The following ROBO2 variants were observed in gnomAD, a reference collection of about 807,000 sequenced individuals.
ROBO2 encodes roundabout guidance receptor 2.
Under a neutral mutation model 160.8 loss-of-function variants are expected in ROBO2, and 53 were observed. The ratio of observed to expected loss-of-function variants is 0.33; its 90% confidence interval spans 0.26 to 0.41. The LOEUF (loss-of-function observed/expected upper bound fraction) is 0.41, where lower values mean the gene tolerates loss of function less well. Among genes scored for constraint, ROBO2 ranks in the 10% least tolerant of loss-of-function variants. The pLI is 1.00. For synonymous variants in ROBO2, 664 were observed against 611.7 expected (o/e 1.09, Z -1.26); for missense variants, 1,577 against 1,722.4 (o/e 0.92, Z 1.49).
intron 16 of ROBO2, among the ~76,000 whole-genome samples, chr3:77,581,548 A>T (rs552104177): frequency 6.6e-6 from 1 of 152,138 alleles, no homozygotes; most frequent in East Asian, 1.9e-4. Flanking sequence ...GTATTATTTA[A>T]TTTCCAAATG....
chr3:76,127,796 T>A lies in ROBO2; in HGVS notation c.109+190194T>A, dbSNP rs1576970052. 2.0e-5 allele frequency among the ~76,000 whole-genome samples: 3 copies of A among 152,002 alleles called. No homozygotes were observed. The East Asian group carries it at 5.8e-4, about 29-fold the overall frequency. On this transcript the variant is annotated intron_variant, in intron 2 of 26. Coordinates refer to the ROBO2 transcript ENST00000487694. Reference sequence around the variant, plus strand: ...CTTTATTACATCAATAAGAAACCTGTTTTACAAAATATCTATGAAGCAAAA... The same window carrying A: ...CTTTATTACATCAATAAGAAACCTGATTTACAAAATATCTATGAAGCAAAA...
chr3:76,055,703 G>A (rs994906145), intron 2 of ROBO2, among the ~76,000 whole-genome samples: 5 of 152,166 alleles, frequency 3.3e-5, no homozygotes, highest in African/African-American at 1.2e-4. Flanking sequence ...GGTATTCCAA[G>A]GTGTATGTAT....
In ROBO2 at chr3:77,410,513, TTCC is replaced by T. The variant is rs1253780728; in HGVS notation, c.389-66889_389-66887del. ...TTTCCTCCTCCTCCTCTTCCTCCTCTTCCTCCTCCTCCTCTTCCTCCTCCTCTT... is the reference window on the plus strand; with the variant it reads ...TTTCCTCCTCCTCCTCTTCCTCCTCTTCCTCCTCCTCTTCCTCCTCCTCTT... On this transcript the variant is annotated intron_variant, in intron 2 of 25. Transcript: ENST00000461745. 1.2e-3 allele frequency among the ~76,000 whole-genome samples: 114 copies of T among 97,752 alleles called. 1 individual carries two copies. The highest frequency in any genetic ancestry group is 2.1e-3 in the Admixed American group (22 of 10,688). 64.1% of individuals were successfully genotyped at this position (97,752 alleles called of 152,430 possible).
intron 2 of ROBO2, among the ~76,000 whole-genome samples, chr3:77,296,881 C>T (rs894585978): frequency 3.3e-5 from 5 of 152,080 alleles, no homozygotes; most frequent in African/African-American, 1.2e-4. Flanking sequence ...AGCAAGAAGC[C>T]ATTCAAGTCT....
At chr3:77,051,035 T>A (rs1350945935) in intron 1 of ROBO2, among the ~76,000 whole-genome samples, 3 of 133,216 alleles carry the variant, frequency 2.3e-5, no homozygotes, top group Non-Finnish European at 5.1e-5. Context: ...AAAAAAAAAA[T>A]TCATCAAATG....
At chr3:77,053,453 G>A (rs1291276189) in intron 1 of ROBO2, among the ~76,000 whole-genome samples, 1 of 152,128 alleles carries the variant, frequency 6.6e-6, no homozygotes, top group Non-Finnish European at 1.5e-5. Context: ...GACTCTGTGT[G>A]ATGCTTCCTG....
At chr3:76,552,764 G>C (rs1445176319) in intron 2 of ROBO2, among the ~76,000 whole-genome samples, 3 of 152,214 alleles carry the variant, frequency 2.0e-5, no homozygotes, top group Admixed American at 1.3e-4. Context: ...GGATGAGACA[G>C]AGCATGGACC....
Position 77,574,322 on chromosome 3 carries a change from A to C in ROBO2, c.1972-177A>C, listed in dbSNP as rs529888476. Among the ~76,000 whole-genome samples, 9 of 152,184 alleles carry C rather than the reference A, an allele frequency of 5.9e-5. No individual in the cohort carries two copies. The South Asian group carries it at 1.9e-3, about 32-fold the overall frequency. ...CATTTTGGAAACAATCTTAGGAGCA[A>C]TCTGAACTCTAAAAGGATAGAAGTT... On this transcript the variant is annotated intron_variant, in intron 13 of 25. Coordinates refer to ENST00000461745, the Ensembl canonical transcript of ROBO2.
intron 2 of ROBO2, among the ~76,000 whole-genome samples, chr3:77,221,849 T>TTTTCC: frequency 1.4e-5 from 2 of 145,554 alleles, no homozygotes; most frequent in African/African-American, 5.1e-5. Flanking sequence ...TTTCTTTTTC[T>TTTTCC]TTTTCTTTTT....
chr3:76,235,096 T>G (rs1414510568), intron 2 of ROBO2, among the ~76,000 whole-genome samples: 1 of 152,150 alleles, frequency 6.6e-6, no homozygotes, highest in Non-Finnish European at 1.5e-5. Flanking sequence ...GTGAGTGGAC[T>G]GTAGTCTCTA....
At chr3:76,828,316 T>A (rs2066757262) in intron 2 of ROBO2, among the ~76,000 whole-genome samples, 1 of 152,080 alleles carries the variant, frequency 6.6e-6, no homozygotes, top group South Asian at 2.1e-4. Flanking sequence ...CTTTATTTTA[T>A]CTATATTATT....
chr3:76,294,677 G>A (rs1402110628), intron 2 of ROBO2, among the ~76,000 whole-genome samples: 4 of 152,084 alleles, frequency 2.6e-5, no homozygotes, highest in South Asian at 2.1e-4. Flanking sequence ...TTACTTTTTC[G>A]AAAATGGTGT....
In ROBO2 at chr3:76,593,211, CA is replaced by C. The variant is rs2086527418; in HGVS notation, c.110-504800del. ...TGTCTGTTTTCCAGCAGCTCATCACCAAAGTGAACAATATCCTTTGTGTGTG... is the reference window on the plus strand; with the variant it reads ...TGTCTGTTTTCCAGCAGCTCATCACCAAGTGAACAATATCCTTTGTGTGTG... On this transcript the variant is annotated intron_variant, in intron 2 of 26. Transcript: ENST00000487694. 5.3e-5 allele frequency among the ~76,000 whole-genome samples: 8 copies of C among 152,136 alleles called. No homozygotes were observed. In the South Asian group the frequency reaches 1.2e-3, roughly 24 times the overall value.
At chr3:75,937,887 G>T (rs866149584) in intron 2 of ROBO2, among the ~76,000 whole-genome samples, 1 of 125,684 alleles carries the variant, frequency 8.0e-6, no homozygotes, top group African/African-American at 3.2e-5. Context: ...GGTATTATGA[G>T]GCTATGTGTG....
At chr3:77,125,410 C>T (rs1437924978) in intron 2 of ROBO2, among the ~76,000 whole-genome samples, 1 of 152,100 alleles carries the variant, frequency 6.6e-6, no homozygotes, top group Non-Finnish European at 1.5e-5. Flanking sequence ...TTGTTAATTA[C>T]TTTGCATTTC....
intron 5 of ROBO2, among the ~76,000 whole-genome samples, chr3:77,513,583 A>T (rs773810362): frequency 1.3e-5 from 2 of 151,912 alleles, no homozygotes; most frequent in Admixed American, 6.6e-5. Context: ...CAAATATAAG[A>T]TCACACACAA....
chr3:76,804,425 T>C (rs191147958), intron 2 of ROBO2, among the ~76,000 whole-genome samples: 13 of 152,284 alleles, frequency 8.5e-5, no homozygotes, highest in South Asian at 8.3e-4. Context: ...CTAACAAGGA[T>C]AGGTGCACAA....
At chr3:76,017,935 G>A (rs542951213) in intron 2 of ROBO2, among the ~76,000 whole-genome samples, 4 of 152,092 alleles carry the variant, frequency 2.6e-5, no homozygotes, top group South Asian at 2.1e-4. Context: ...GAAGAAAAAT[G>A]TTTTGTTAGA....
chr3:76,587,639 G>C (rs777086746), intron 2 of ROBO2, among the ~76,000 whole-genome samples: 1 of 152,154 alleles, frequency 6.6e-6, no homozygotes, highest in Non-Finnish European at 1.5e-5. Flanking sequence ...CCCACAACAC[G>C]TGGGGATTAT....
Sources: allele counts gnomAD v4.1 joint callset (sites outside exome capture counted in the v4.1 genomes callset), GRCh38; gene constraint gnomAD v4.1.1; transcripts MANE v1.5; gene names NCBI Gene and HGNC (gene_info 2026-07-23, HGNC 2026-07-21).